Variants in DGKB observed in about 807,000 individuals in gnomAD.
DGKB encodes 90 kDa diacylglycerol kinase.
DGKB carries 67 observed loss-of-function variants against 114.3 expected under a neutral mutation model. That is an observed-to-expected ratio of 0.59 (90% CI 0.48 to 0.72). DGKB has a LOEUF of 0.72. DGKB is among the 30% of genes least tolerant of loss of function. DGKB has a pLI of 0.00. For missense variants in DGKB, 907 were observed against 975.2 expected, an observed-to-expected ratio of 0.93 and a Z score of 0.93; for synonymous variants, 398 against 323.1, an observed-to-expected ratio of 1.23 and a Z score of -2.49.
chr7:14,571,139 C>T (rs1294463129), intron 20 of DGKB, among the ~76,000 whole-genome samples: 2 of 152,028 alleles, frequency 1.3e-5, no homozygotes, highest in Non-Finnish European at 2.9e-5. Flanking sequence ...GGAAATTGAC[C>T]AAAGCATATA....
intron 1 of DGKB, among the ~76,000 whole-genome samples, chr7:14,848,862 T>C (rs538269184): frequency 6.6e-4 from 100 of 152,260 alleles, no homozygotes; most frequent in African/African-American, 2.2e-3. Flanking sequence ...GTCTGCACTG[T>C]GGTCTGAGGC....
chr7:14,812,464 C>T (rs1250319294), intron 2 of DGKB, among the ~76,000 whole-genome samples: 10 of 152,116 alleles, frequency 6.6e-5, no homozygotes, highest in South Asian at 4.2e-4. Flanking sequence ...CATTCACTCA[C>T]GTGGACATTT....
chr7:14,255,783 A>G (rs947219433), intron 23 of DGKB, among the ~76,000 whole-genome samples: 1 of 146,548 alleles, frequency 6.8e-6, no homozygotes, highest in African/African-American at 2.5e-5. Context: ...AGCTTTTAGT[A>G]TGGTTATTTG....
intron 21 of DGKB, among the ~76,000 whole-genome samples, chr7:14,416,031 G>A (rs1825681079): frequency 6.6e-6 from 1 of 152,090 alleles, no homozygotes; most frequent in Non-Finnish European, 1.5e-5. Flanking sequence ...GTGATGATGA[G>A]CATTTTTTCA....
chr7:14,877,233 T>C (rs1176133771), intron 1 of DGKB, among the ~76,000 whole-genome samples: 1 of 152,174 alleles, frequency 6.6e-6, no homozygotes, highest in Non-Finnish European at 1.5e-5. Context: ...GCCAAATTTT[T>C]GGTCTCATTC....
chr7:14,960,888 C>A (rs1307207105), intron 1 of DGKB, among the ~76,000 whole-genome samples: 1 of 152,066 alleles, frequency 6.6e-6, no homozygotes, highest in South Asian at 2.1e-4. Context: ...AAAGATAAGC[C>A]ATTGGTAAAT....
intron 16 of DGKB, among the ~76,000 whole-genome samples, chr7:14,607,823 T>C (rs1804797761): frequency 6.8e-6 from 1 of 146,212 alleles, no homozygotes. Flanking sequence ...TTTAGCTAAC[T>C]AGATTTCAAA....
chr7:14,764,728 T>G (rs534186132), intron 2 of DGKB, among the ~76,000 whole-genome samples: 61 of 151,932 alleles, frequency 4.0e-4, no homozygotes, highest in African/African-American at 1.4e-3. Flanking sequence ...ATATTTTGTC[T>G]GATTGCTACA....
chr7:14,247,674 T>C (rs1289428741), intron 23 of DGKB, among the ~76,000 whole-genome samples: 1 of 151,976 alleles, frequency 6.6e-6, no homozygotes, highest in African/African-American at 2.4e-5. Flanking sequence ...TTCAGGTCTT[T>C]GCAAATTTTT....
At chr7:14,958,802 C>T (rs1786672101) in intron 1 of DGKB, among the ~76,000 whole-genome samples, 1 of 152,004 alleles carries the variant, frequency 6.6e-6, no homozygotes, top group Non-Finnish European at 1.5e-5. Context: ...GGATGTTGTC[C>T]CCACATAGCG....
At chr7:14,559,701 T>TA in intron 20 of DGKB, among the ~76,000 whole-genome samples, 1 of 152,330 alleles carries the variant, frequency 6.6e-6, no homozygotes, top group Non-Finnish European at 1.5e-5. Flanking sequence ...AGCAGTTGCC[T>TA]AATCACAATA....
chr7:14,781,464 T>C (rs1431710811), intron 2 of DGKB, among the ~76,000 whole-genome samples: 2 of 152,180 alleles, frequency 1.3e-5, no homozygotes, highest in Non-Finnish European at 2.9e-5. Flanking sequence ...TTCTACTAAC[T>C]ATTCTGGTTG....
intron 23 of DGKB, among the ~76,000 whole-genome samples, chr7:14,202,750 G>C (rs1414293436): frequency 6.6e-6 from 1 of 151,900 alleles, no homozygotes; most frequent in Non-Finnish European, 1.5e-5. Flanking sequence ...GAAGTTGTCA[G>C]GTACTGATCT....
intron 23 of DGKB, among the ~76,000 whole-genome samples, chr7:14,288,451 T>A (rs969026941): frequency 6.6e-6 from 1 of 152,114 alleles, no homozygotes; most frequent in African/African-American, 2.4e-5. Context: ...AGGTATTGAT[T>A]GCAAAGATAT....
At chr7:14,862,994 G>A (rs897207951) in intron 1 of DGKB, among the ~76,000 whole-genome samples, 1 of 151,888 alleles carries the variant, frequency 6.6e-6, no homozygotes, top group African/African-American at 2.4e-5. Flanking sequence ...ATTAGATACT[G>A]TAAGAGGTCA....
At chr7:14,710,072 G>T (rs978663445) in intron 6 of DGKB, among the ~76,000 whole-genome samples, 14 of 151,892 alleles carry the variant, frequency 9.2e-5, no homozygotes, top group African/African-American at 3.1e-4. Context: ...AACACTGCTG[G>T]ATTTCTAATG....
chr7:14,178,410 C>CAAAAAAAAAAA (rs56812836), intron 23 of DGKB, among the ~76,000 whole-genome samples: 3 of 121,796 alleles, frequency 2.5e-5, no homozygotes, highest in Non-Finnish European at 3.8e-5. Context: ...CAAATAATAC[C>CAAAAAAAAAAA]AAAAAAAAAA....
intron 1 of DGKB, among the ~76,000 whole-genome samples, chr7:14,959,684 G>A (rs960011847): frequency 1.3e-5 from 2 of 151,392 alleles, no homozygotes; most frequent in African/African-American, 4.9e-5. Context: ...TTCTGGAGAG[G>A]TGAATGTATT....
At chr7:14,964,750 G>A (rs910332210) in intron 1 of DGKB, among the ~76,000 whole-genome samples, 9 of 152,108 alleles carry the variant, frequency 5.9e-5, no homozygotes, top group African/African-American at 1.9e-4. Context: ...GGAATTGACT[G>A]TTGGTCATTA....
Sources: gnomAD v4.1 joint callset for allele counts (sites outside exome capture counted in the v4.1 genomes callset) on GRCh38, gnomAD v4.1.1 for gene constraint, MANE v1.5 for transcripts, NCBI Gene and HGNC (gene_info 2026-07-23, HGNC 2026-07-21) for gene names.